Variants in TRIM14 observed in about 807,000 individuals in gnomAD.
The protein encoded by TRIM14 is tripartite motif-containing protein 14.
In TRIM14, 28 loss-of-function variants were observed where a neutral mutation model predicts 44.5. The ratio of observed to expected loss-of-function variants is 0.63; its 90% CI spans 0.47 to 0.86. TRIM14 has a LOEUF of 0.86. Ranked by LOEUF, TRIM14 falls within the 40% of genes least tolerant of loss-of-function variation. The probability of loss-of-function intolerance (pLI) is 0.00; values close to 1 mark genes in which losing one functional copy is unlikely to be tolerated. For synonymous variants in TRIM14, 299 were observed against 269.2 expected, an observed-to-expected ratio of 1.11 and a Z score of -1.08; for missense variants, 607 against 611.1, an observed-to-expected ratio of 0.99 and a Z score of 0.07.
downstream of TRIM14, chr9:98,083,138 G>C (rs890606030): frequency 7.5e-7 from 1 of 1,333,396 alleles, no homozygotes; most frequent in Non-Finnish European, 1.0e-6. Context: ...CAGGAATGGC[G>C]GTCTCCAGGG....
intron 5 of TRIM14, 103 bp downstream of exon 5, chr9:98,091,804 TTC>T: frequency 2.7e-5 from 18 of 656,458 alleles, no homozygotes; most frequent in South Asian, 5.8e-5. Context: ...AATAAATAAA[TTC>T]TAATGAGAAA....
intron 3 of TRIM14, among the ~76,000 whole-genome samples, chr9:98,099,651 G>A (rs1826315762): frequency 6.6e-6 from 1 of 152,150 alleles, no homozygotes; most frequent in Non-Finnish European, 1.5e-5. Context: ...ACTTTGCAGA[G>A]TTCTGGTGAA....
the TRIM14 span, among the ~76,000 whole-genome samples, chr9:98,041,690 T>G: frequency 2.1e-5 from 3 of 143,276 alleles, no homozygotes; most frequent in Non-Finnish European, 3.1e-5. Flanking sequence ...TTTGTTTTCG[T>G]TTTTTTTTTT....
At chr9:98,092,309 G>C (rs561916875) in intron 4 of TRIM14, among the ~76,000 whole-genome samples, 1 of 152,234 alleles carries the variant, frequency 6.6e-6, no homozygotes, top group Non-Finnish European at 1.5e-5. Context: ...GTAGAGCTGA[G>C]TCCTCAGGAA....
At chr9:98,098,459 C>T (rs1826263045) in intron 3 of TRIM14, among the ~76,000 whole-genome samples, 1 of 152,062 alleles carries the variant, frequency 6.6e-6, no homozygotes, top group Non-Finnish European at 1.5e-5. Flanking sequence ...CGCCTGTAAT[C>T]CCAGCACTTT....
the TRIM14 span, among the ~76,000 whole-genome samples, chr9:98,062,130 C>T: frequency 6.6e-6 from 1 of 151,686 alleles, no homozygotes; most frequent in Non-Finnish European, 1.5e-5. Context: ...TGCTTGATCC[C>T]ATGTATTTGA....
chr9:98,082,909 C>G, downstream of TRIM14: 1 of 1,614,180 alleles, frequency 6.2e-7, no homozygotes, highest in Non-Finnish European at 8.5e-7. Context: ...AATGGACATG[C>G]TCACCGTGAA....
At chr9:98,098,442 T>C (rs1340932257) in intron 3 of TRIM14, among the ~76,000 whole-genome samples, 1 of 152,026 alleles carries the variant, frequency 6.6e-6, no homozygotes, top group Non-Finnish European at 1.5e-5. Context: ...CCGGGTGCGG[T>C]GGCTCACGCC....
chr9:98,050,115 A>G, the TRIM14 span, among the ~76,000 whole-genome samples: 2 of 152,206 alleles, frequency 1.3e-5, no homozygotes, highest in Non-Finnish European at 2.9e-5. Flanking sequence ...AGTTGGAACA[A>G]TTGGCTACAT....
chr9:98,066,596 T>C (rs373391498), downstream of TRIM14, among the ~76,000 whole-genome samples: 295 of 152,066 alleles, frequency 1.9e-3, no homozygotes, highest in African/African-American at 6.8e-3. Context: ...AAAAACTACC[T>C]ATTAGCAGCA....
chr9:98,078,663 CCTT>C (rs1003493341), intron 6 of TRIM14, among the ~76,000 whole-genome samples: 5 of 151,696 alleles, frequency 3.3e-5, no homozygotes, highest in African/African-American at 9.7e-5. Context: ...TGGTGAAACC[CCTT>C]CTTATTAAAA....
chr9:98,063,035 G>A, the TRIM14 span, among the ~76,000 whole-genome samples: 5 of 150,090 alleles, frequency 3.3e-5, no homozygotes, highest in African/African-American at 1.2e-4. Flanking sequence ...CTCCCAGGTT[G>A]AAGCGATTCT....
At chr9:98,105,755 G>C (rs1013847640) in intron 2 of TRIM14, among the ~76,000 whole-genome samples, 1 of 152,160 alleles carries the variant, frequency 6.6e-6, no homozygotes, top group Non-Finnish European at 1.5e-5. Context: ...TGGCCATCCA[G>C]GGGGAGCACA....
At chr9:98,055,249 C>T in the TRIM14 span, among the ~76,000 whole-genome samples, 1 of 152,114 alleles carries the variant, frequency 6.6e-6, no homozygotes, top group Non-Finnish European at 1.5e-5. Flanking sequence ...GAACTCCTGA[C>T]CTCAGGTGAT....
chr9:98,050,504 G>A, the TRIM14 span, among the ~76,000 whole-genome samples: 1 of 152,150 alleles, frequency 6.6e-6, no homozygotes, highest in African/African-American at 2.4e-5. Context: ...GGACCTATGT[G>A]TTCCTTAAAG....
intron 2 of TRIM14, among the ~76,000 whole-genome samples, chr9:98,101,547 G>A (rs1047063263): frequency 5.9e-5 from 9 of 151,510 alleles, no homozygotes; most frequent in Admixed American, 1.3e-4. Flanking sequence ...TGCCTCAGCC[G>A]TGTAGCTGGG....
rs908655687 is a variant in TRIM14, at chr9:98,095,580, C to T, written c.538-551G>A. On this transcript the variant is annotated intron_variant, in intron 3 of 5. Transcript: ENST00000341469. The surrounding 1 kb of genome is among the most constrained non-coding windows in gnomAD (Gnocchi z 4.1). ...TGTGGCCACCGCAGGGGACATGTGTCCTGTTTTGCACCTGGACAGCCCCTC... is the reference window on the plus strand; with the variant it reads ...TGTGGCCACCGCAGGGGACATGTGTTCTGTTTTGCACCTGGACAGCCCCTC... Among the ~76,000 whole-genome samples, 1 of 152,208 alleles carries T rather than the reference C, an allele frequency of 6.6e-6. No individual in the cohort carries two copies. The highest frequency in any genetic ancestry group is 2.4e-5 in the African/African-American group (1 of 41,466).
intron 1 of TRIM14, among the ~76,000 whole-genome samples, chr9:98,117,810 T>TA (rs1337948775): frequency 1.6e-4 from 25 of 152,120 alleles, no homozygotes; most frequent in Non-Finnish European, 2.9e-4. Context: ...TGACAGTAGG[T>TA]AGTGGGTAGG....
At chr9:98,059,560 G>A in the TRIM14 span, among the ~76,000 whole-genome samples, 3 of 152,044 alleles carry the variant, frequency 2.0e-5, no homozygotes, top group Non-Finnish European at 4.4e-5. Flanking sequence ...GACTACAAGC[G>A]TATGCCACCA....
Sources: gnomAD v4.1 joint callset for allele counts (sites outside exome capture counted in the v4.1 genomes callset) on GRCh38, gnomAD v4.1.1 for gene constraint, Gnocchi (gnomAD v3.1) non-coding constraint, MANE v1.5 for transcripts, NCBI Gene and HGNC (gene_info 2026-07-23, HGNC 2026-07-21) for gene names.